SMCHD1: variants seen among roughly 807,000 people sequenced by gnomAD.
The protein encoded by SMCHD1 is structural maintenance of chromosomes flexible hinge domain containing 1, also known as structural maintenance of chromosomes flexible hinge domain-containing protein 1.
SMCHD1 carries 78 observed loss-of-function variants against 254.7 expected under a neutral mutation model. The observed-to-expected ratio is 0.31, with a 90% CI of 0.26 to 0.37. SMCHD1 has a LOEUF of 0.37. Among genes scored for constraint, SMCHD1 ranks in the 10% least tolerant of loss-of-function variants. The probability of loss-of-function intolerance (pLI) is 1.00; values close to 1 mark genes in which losing one functional copy is unlikely to be tolerated. For missense variants in SMCHD1, 1,840 were observed against 2,408.1 expected (o/e 0.76, Z 4.94); for synonymous variants, 766 against 794.9 (o/e 0.96, Z 0.61).
At position 2,722,555 on chromosome 18, in the gene SMCHD1, A is replaced by T; in HGVS notation, c.2495A>T (p.Asp832Val). ...GAGAAATTTTCATTTGGTCTTCTGG[A>T]TCTTCCTTTTCGTGTTGGAGTTCCA... is the stretch of plus-strand genomic sequence containing the variant. ...KPEKFSFGLL[D>V]LPFRVGVPFN... is the part of the protein sequence containing the mutation. Residue 832 changes from aspartate to valine, a missense_variant, in exon 20 of 48, where the codon GAT (aspartate) becomes GTT (valine). Asp to Val is a radical substitution (Grantham distance 152). This residue lies in a region of SMCHD1 where 59 missense variants were observed against 99.2 expected (regional missense o/e 0.59). Transcript: ENST00000320876. 6.2e-7 allele frequency: 1 copy of T among 1,613,308 alleles called. No homozygotes were observed. The highest frequency in any genetic ancestry group is 8.5e-7 in the Non-Finnish European group (1 of 1,179,640).
chr18:2,742,816 A>G (rs1014301135), intron 28 of SMCHD1, among the ~76,000 whole-genome samples: 3 of 152,044 alleles, frequency 2.0e-5, no homozygotes, highest in Non-Finnish European at 2.9e-5. Context: ...AGCTAGGACT[A>G]TAGACGCATG....
chr18:2,700,791 A>G lies in SMCHD1; in HGVS notation c.1520A>G (p.Asn507Ser), dbSNP rs774388103. 12 of 1,613,356 alleles carry G rather than the reference A, an allele frequency of 7.4e-6. No homozygotes were observed. Among genetic ancestry groups the G allele is most frequent in the Middle Eastern group, 1.6e-4 (1 of 6,076 alleles). The change falls in exon 12 of 48, where the codon AAT (asparagine) becomes AGT (serine). Residue 507 changes from asparagine (N) to serine (S), a missense_variant. This residue lies in a region of SMCHD1 where 498 missense variants were observed against 743.5 expected (regional missense o/e 0.67). Transcript: ENST00000320876. ...KRGLAPIECYNRISGALFTND... is the reference protein window; with the variant it reads ...KRGLAPIECYSRISGALFTND... ...GGGCTTGCACCAATTGAATGCTACA[A>G]TAGGATATCTGGTGCATTATTCACT...
At chr18:2,688,785 C>T in intron 7 of SMCHD1, 38 bp downstream of exon 7, 1 of 1,185,144 alleles carries the variant, frequency 8.4e-7, no homozygotes, top group Non-Finnish European at 1.2e-6. Context: ...AAATTTACTC[C>T]TTTGGATAGA....
intron 37 of SMCHD1, among the ~76,000 whole-genome samples, chr18:2,768,833 C>T (rs1747295629): frequency 6.6e-6 from 1 of 151,732 alleles, no homozygotes; most frequent in Non-Finnish European, 1.5e-5. Flanking sequence ...TTTTTAAATA[C>T]ATGTTTGCAT....
chr18:2,694,740 TA>T, intron 8 of SMCHD1, 47 bp downstream of exon 8: 1 of 1,523,540 alleles, frequency 6.6e-7, no homozygotes, highest in African/African-American at 1.4e-5. Context: ...TTAACTTTTT[TA>T]AGGCAGAAAA....
chr18:2,697,957 G>A lies in SMCHD1; in HGVS notation c.1258G>A (p.Asp420Asn). 3 of 1,613,716 alleles carry A rather than the reference G, an allele frequency of 1.9e-6. No individual in the cohort carries two copies. The highest frequency in any genetic ancestry group is 2.5e-6 in the Non-Finnish European group (3 of 1,179,726). ...TGAATTCAAAGCTCATGTTGAAGGAGATGGTGTAGTGGAAGGGATTATCCG... is the reference window on the plus strand; with the variant it reads ...TGAATTCAAAGCTCATGTTGAAGGAAATGGTGTAGTGGAAGGGATTATCCG... Reference protein sequence around the residue: ...SFEFKAHVEGDGVVEGIIRYH... With the variant: ...SFEFKAHVEGNGVVEGIIRYH... The change falls in exon 10 of 48, where the codon GAT becomes AAT. Residue 420 changes from aspartate (D) to asparagine (N), a missense_variant. By Grantham distance (23) the Asp-to-Asn change is conservative. Coordinates refer to ENST00000320876, the MANE Select transcript of SMCHD1 (RefSeq NM_015295.3).
intron 3 of SMCHD1, among the ~76,000 whole-genome samples, chr18:2,671,286 T>C (rs567927521): frequency 7.9e-5 from 12 of 152,280 alleles, no homozygotes; most frequent in African/African-American, 1.9e-4. Context: ...TGTATAATTA[T>C]AGAGTCAACA....
At chr18:2,732,591 G>A (rs900051556) in intron 25 of SMCHD1, 99 bp downstream of exon 25, 2 of 709,344 alleles carry the variant, frequency 2.8e-6, no homozygotes, top group African/African-American at 3.6e-5. Context: ...TAAAAAAGAA[G>A]CTTGTCACAG....
chr18:2,691,617 C>A (rs1415287613), intron 7 of SMCHD1: 1 of 152,240 alleles, frequency 6.6e-6, no homozygotes, highest in African/African-American at 2.4e-5. Flanking sequence ...GTAAAGGAAA[C>A]AGACCATCCT....
chr18:2,681,532 C>A (rs2073925740), intron 5 of SMCHD1, among the ~76,000 whole-genome samples: 1 of 147,102 alleles, frequency 6.8e-6, no homozygotes. Flanking sequence ...CCGCAGTAAT[C>A]CATGATCACG....
chr18:2,802,330 T>G (rs916073023), intron 47 of SMCHD1, among the ~76,000 whole-genome samples, 198 bp from the exon 48 acceptor site: 2 of 152,180 alleles, frequency 1.3e-5, no homozygotes. Context: ...TGTTAACTAC[T>G]TTTATTTGGG....
rs1477764229 is a variant in SMCHD1 at position 2,772,258 on chromosome 18, C to A, written c.5061C>A (p.His1687Gln). ...IDIPTTQQVPHIEALLKRKLS... is the reference protein window; with the variant it reads ...IDIPTTQQVPQIEALLKRKLS... Reference sequence around the variant, plus strand: ...TTCTTTATAAATTATAGGTGCCACACATTGAAGCACTTCTGAAAAGAAAGC... The same window carrying A: ...TTCTTTATAAATTATAGGTGCCACAAATTGAAGCACTTCTGAAAAGAAAGC... The change falls in exon 41 of 48, where the codon CAC becomes CAA. Residue 1687 changes from histidine (H) to glutamine (Q), a missense_variant. Coordinates refer to ENST00000320876, the MANE Select transcript of SMCHD1 (RefSeq NM_015295.3). 6.3e-7 allele frequency: 1 copy of A among 1,591,270 alleles called. No individual in the cohort carries two copies. The highest frequency in any genetic ancestry group is 2.3e-5 in the East Asian group (1 of 43,854).
chr18:2,676,032 T>G (rs1224338900), intron 5 of SMCHD1, among the ~76,000 whole-genome samples: 2 of 152,174 alleles, frequency 1.3e-5, no homozygotes, highest in African/African-American at 2.4e-5. Context: ...CCACTCTAAT[T>G]TCTATCAATA....
chr18:2,774,197 A>T (rs994629087), intron 41 of SMCHD1, among the ~76,000 whole-genome samples: 1 of 152,054 alleles, frequency 6.6e-6, no homozygotes, highest in Admixed American at 6.6e-5. Flanking sequence ...TGACAGTATC[A>T]TGGTATTTCT....
chr18:2,796,178 C>A, intron 46 of SMCHD1, 71 bp downstream of exon 46: 1 of 1,289,764 alleles, frequency 7.8e-7, no homozygotes, highest in Non-Finnish European at 1.0e-6. Context: ...AGAGAGAATC[C>A]AACCGTAAGA....
intron 17 of SMCHD1, among the ~76,000 whole-genome samples, chr18:2,712,630 C>T (rs1308453515): frequency 6.6e-6 from 1 of 152,178 alleles, no homozygotes; most frequent in Non-Finnish European, 1.5e-5. Context: ...CAATCTCCTG[C>T]ATAAACCAAG....
chr18:2,787,252 C>G (rs2076254352), intron 45 of SMCHD1, among the ~76,000 whole-genome samples: 2 of 152,120 alleles, frequency 1.3e-5, no homozygotes, highest in African/African-American at 4.8e-5. Flanking sequence ...AGCAAGAATT[C>G]ACTCACTCCC....
intron 24 of SMCHD1, among the ~76,000 whole-genome samples, chr18:2,730,169 T>A (rs945534070): frequency 4.6e-5 from 7 of 152,074 alleles, no homozygotes; most frequent in African/African-American, 9.7e-5. Context: ...GGATTTTTTT[T>A]ATTTCTATTT....
intron 8 of SMCHD1, among the ~76,000 whole-genome samples, chr18:2,696,655 G>T (rs914440232): frequency 5.9e-5 from 9 of 152,136 alleles, no homozygotes; most frequent in Non-Finnish European, 1.5e-5. Flanking sequence ...GTCCTTTCTG[G>T]AACGTACCTG....
Sources: allele counts gnomAD v4.1 joint callset (sites outside exome capture counted in the v4.1 genomes callset), GRCh38; gene constraint gnomAD v4.1.1; regional missense constraint gnomAD v4.1.1; transcripts MANE v1.5; gene names NCBI Gene and HGNC (gene_info 2026-07-23, HGNC 2026-07-21).